Variants in CTNND2 observed in about 807,000 individuals in gnomAD.
CTNND2 encodes catenin delta 2, also known as catenin delta-2.
Under a neutral mutation model 144.4 loss-of-function variants are expected in CTNND2, and 22 were observed. The ratio of observed to expected loss-of-function variants is 0.15; its 90% confidence interval spans 0.11 to 0.22. The LOEUF (loss-of-function observed/expected upper bound fraction) is 0.22. Ranked by LOEUF, CTNND2 falls within the 10% of genes least tolerant of loss-of-function variation. The pLI, the probability that CTNND2 is intolerant of heterozygous loss-of-function variation, is 1.00. For missense variants in CTNND2, 1,353 were observed against 1,618.8 expected (o/e 0.84, Z 2.82); for synonymous variants, 751 against 695.6 (o/e 1.08, Z -1.25).
At chr5:11,470,970 ATATATATATAT>A (rs1170566405) in intron 3 of CTNND2, among the ~76,000 whole-genome samples, 1,885 of 97,224 alleles carry the variant, frequency 0.019, 91 homozygotes, top group African/African-American at 0.085. Flanking sequence ...ATATATATAT[ATATATATATAT>A]TTTTTTTTTT....
At chr5:11,626,754 T>C (rs143710920) in intron 2 of CTNND2, among the ~76,000 whole-genome samples, 1 of 152,294 alleles carries the variant, frequency 6.6e-6, no homozygotes, top group Admixed American at 6.5e-5. Context: ...TAAAATGAAA[T>C]ATTTGCTCCA....
At chr5:11,447,963 A>G (rs1392734305) in intron 3 of CTNND2, among the ~76,000 whole-genome samples, 1 of 152,186 alleles carries the variant, frequency 6.6e-6, no homozygotes, top group Non-Finnish European at 1.5e-5. Flanking sequence ...AACATACTCA[A>G]TTTTCCTGAG....
rs572156531 is a variant in CTNND2 at position 11,123,046 on chromosome 5, C to T, written c.2160-5479G>A. Among the ~76,000 whole-genome samples, 53 of 152,276 alleles carry T rather than the reference C, an allele frequency of 3.5e-4. 1 individual carries two copies. The highest frequency in any genetic ancestry group is 1.3e-3 in the African/African-American group (53 of 41,558). ...TCCCCCTGGAATGTTCTTCCTTCCACCTTGAAGCCATCAACTCTGACAGTC... is the reference window on the plus strand; with the variant it reads ...TCCCCCTGGAATGTTCTTCCTTCCATCTTGAAGCCATCAACTCTGACAGTC... On this transcript the variant is annotated intron_variant, in intron 12 of 21. Coordinates refer to ENST00000304623, the MANE Select transcript of CTNND2 (RefSeq NM_001332.4).
intron 3 of CTNND2, among the ~76,000 whole-genome samples, chr5:11,460,619 C>T (rs951670066): frequency 6.6e-6 from 1 of 152,162 alleles, no homozygotes; most frequent in Non-Finnish European, 1.5e-5. Flanking sequence ...CTATTCTAGT[C>T]TGGGTGATCT....
Position 11,608,088 on chromosome 5 carries a change from C to T in CTNND2, c.175-43032G>A, listed in dbSNP as rs76603227. Among the ~76,000 whole-genome samples the T allele has an allele frequency of 8.6e-3, 1,306 of 152,136 alleles. 12 individuals carry two copies. The highest frequency in any genetic ancestry group is 0.027 in the African/African-American group (1,121 of 41,508). The stretch of plus-strand genomic sequence containing the variant: ...TGTCAATTTTGACCCTCAAGAGAAC[C>T]CTGATGAACACACATACCAGATGCA... On this transcript the variant is annotated intron_variant, in intron 2 of 21. Transcript: ENST00000304623.
In CTNND2 at chr5:11,736,655, T is replaced by C. The variant is rs556690674; in HGVS notation, c.38-4383A>G. Among the ~76,000 whole-genome samples, 29 of 152,298 alleles carry C rather than the reference T, an allele frequency of 1.9e-4. 1 individual carries two copies. In the South Asian group the frequency reaches 5.8e-3, roughly 30 times the overall value. ...TTAAACTTCTAACTTCGCAGTAATA[T>C]GGCCAAATACGTCAGTCTTAATCAC... On this transcript the variant is annotated intron_variant, in intron 1 of 21. Coordinates refer to ENST00000304623, the MANE Select transcript of CTNND2 (RefSeq NM_001332.4).
At chr5:11,518,514 T>C (rs1428076449) in intron 3 of CTNND2, among the ~76,000 whole-genome samples, 1 of 152,202 alleles carries the variant, frequency 6.6e-6, no homozygotes, top group Non-Finnish European at 1.5e-5. Flanking sequence ...TCTACAGTAG[T>C]GAACAGTAAT....
chr5:11,641,789 C>T (rs189220738), intron 2 of CTNND2, among the ~76,000 whole-genome samples: 6 of 142,752 alleles, frequency 4.2e-5, no homozygotes, highest in South Asian at 2.3e-4. Flanking sequence ...TACATACATA[C>T]ACGTGTACAT....
At chr5:11,863,220 T>C (rs1397308272) in intron 1 of CTNND2, among the ~76,000 whole-genome samples, 5 of 152,254 alleles carry the variant, frequency 3.3e-5, no homozygotes, top group Admixed American at 2.0e-4. Context: ...CACACTGTTA[T>C]GCAAATAGAT....
At chr5:11,667,722 T>A (rs373975024) in intron 2 of CTNND2, among the ~76,000 whole-genome samples, 61 of 152,358 alleles carry the variant, frequency 4.0e-4, no homozygotes, top group African/African-American at 1.4e-3. Flanking sequence ...GATTGTCTGT[T>A]CACTCTGTTG....
At chr5:11,775,389 C>T (rs545270621) in intron 1 of CTNND2, among the ~76,000 whole-genome samples, 10 of 152,212 alleles carry the variant, frequency 6.6e-5, no homozygotes, top group African/African-American at 2.4e-4. Flanking sequence ...TCTGTAAAAT[C>T]GAGATAACAC....
chr5:11,328,460 T>G lies in CTNND2; in HGVS notation c.1628+17912A>C, dbSNP rs114909192. Among the ~76,000 whole-genome samples, 1,376 of 151,978 alleles carry G rather than the reference T, an allele frequency of 9.1e-3. 6 individuals carry two copies. The highest frequency in any genetic ancestry group is 0.013 in the Non-Finnish European group (917 of 67,964). On this transcript the variant is annotated intron_variant, in intron 9 of 21. Transcript: ENST00000304623. The stretch of plus-strand genomic sequence containing the variant: ...AGGTGCTTGTCACCAGACCTTTTTT[T>G]TTGTTGTTGTTTTTTGTATTTTTTG...
chr5:11,074,701 A>G (rs932273105), intron 16 of CTNND2, among the ~76,000 whole-genome samples: 7 of 152,130 alleles, frequency 4.6e-5, no homozygotes, highest in Non-Finnish European at 8.8e-5. Flanking sequence ...AAAGGAAAAA[A>G]CATTTCTCAC....
At chr5:11,004,724 T>A (rs979126687) in intron 18 of CTNND2, among the ~76,000 whole-genome samples, 1 of 142,680 alleles carries the variant, frequency 7.0e-6, no homozygotes, top group African/African-American at 2.7e-5. Flanking sequence ...GCTGAGATCA[T>A]GCCATTACAC....
At chr5:11,497,526 G>GGGGAGGC (rs1770089167) in intron 3 of CTNND2, among the ~76,000 whole-genome samples, 1 of 79,254 alleles carries the variant, frequency 1.3e-5, no homozygotes, top group Non-Finnish European at 2.5e-5. Context: ...GGGTGGGGGG[G>GGGGAGGC]GGCAATATGT....
intron 2 of CTNND2, among the ~76,000 whole-genome samples, chr5:11,663,845 C>G (rs57393162): frequency 6.6e-6 from 1 of 151,994 alleles, no homozygotes; most frequent in Non-Finnish European, 1.5e-5. Flanking sequence ...GTATTCATAG[C>G]TAATAGCATT....
At chr5:11,638,246 C>A (rs574712415) in intron 2 of CTNND2, among the ~76,000 whole-genome samples, 24 of 152,270 alleles carry the variant, frequency 1.6e-4, no homozygotes, top group African/African-American at 5.5e-4. Flanking sequence ...ACATTCCGCC[C>A]ATGGTTCTCT....
At chr5:11,795,738 G>T (rs1342517169) in intron 1 of CTNND2, among the ~76,000 whole-genome samples, 1 of 152,244 alleles carries the variant, frequency 6.6e-6, no homozygotes, top group African/African-American at 2.4e-5. Context: ...TGTTATTCAT[G>T]TATGAGAAAT....
At chr5:11,496,594 A>C (rs564484912) in intron 3 of CTNND2, among the ~76,000 whole-genome samples, 1 of 152,262 alleles carries the variant, frequency 6.6e-6, no homozygotes, top group East Asian at 1.9e-4. Context: ...ACACATGTAC[A>C]TGGTGAAGTT....
Sources: gnomAD v4.1 joint callset for allele counts (sites outside exome capture counted in the v4.1 genomes callset) on GRCh38, gnomAD v4.1.1 for gene constraint, MANE v1.5 for transcripts, NCBI Gene and HGNC (gene_info 2026-07-23, HGNC 2026-07-21) for gene names.